MRNIP: variants seen among roughly 807,000 people sequenced by gnomAD.
MRNIP encodes MRN complex interacting protein.
A neutral mutation model predicts 29.8 loss-of-function variants in MRNIP; 30 were observed. That is an observed-to-expected ratio of 1.01 (90% CI 0.75 to 1.36). The LOEUF (loss-of-function observed/expected upper bound fraction) is 1.36, where lower values mean the gene tolerates loss of function less well. Among genes scored for constraint, MRNIP ranks in the 40% most tolerant of loss-of-function variants. MRNIP has a pLI of 0.00. For synonymous variants in MRNIP, 201 were observed against 164.1 expected, an observed-to-expected ratio of 1.23 and a Z score of -1.72; for missense variants, 459 against 423.5, an observed-to-expected ratio of 1.08 and a Z score of -0.74.
At chr5:179,842,532 A>G (rs1278846545) in intron 4 of MRNIP, among the ~76,000 whole-genome samples, 1 of 148,356 alleles carries the variant, frequency 6.7e-6, no homozygotes, top group Non-Finnish European at 1.5e-5. Flanking sequence ...AAAAACAACA[A>G]CAAAAAAAAA....
intron 4 of MRNIP, among the ~76,000 whole-genome samples, chr5:179,842,409 G>A (rs757473319): frequency 2.6e-5 from 4 of 151,892 alleles, no homozygotes; most frequent in South Asian, 2.1e-4. Flanking sequence ...AGCCGGGCGC[G>A]GTGGCTCACA....
rs1481669975 is a variant in MRNIP at position 179,841,909 on chromosome 5, T to C, written c.447A>G (p.Lys149=). The change falls in exon 5 of 7, where the codon AAA becomes AAG. Residue 149 remains lysine, a splice_region_variant and synonymous_variant. Transcript: ENST00000292586. ...TGGAACGGAGACGCACTTGGTACCT[T>C]TTTCTAGGCAGGTCTTGACTGAAGC... ...GPRFSQDLPR[K]RKWSRSTVQP... The C allele has an allele frequency of 6.2e-7, 1 of 1,613,552 alleles. No individual in the cohort carries two copies. The highest frequency in any genetic ancestry group is 8.5e-7 in the Non-Finnish European group (1 of 1,179,968).
intron 2 of MRNIP, among the ~76,000 whole-genome samples, chr5:179,851,684 T>TA (rs1262580312): frequency 6.6e-6 from 1 of 151,888 alleles, no homozygotes; most frequent in Non-Finnish European, 1.5e-5. Context: ...TTCCCTTTTT[T>TA]AAAAAAAATA....
intron 2 of MRNIP, among the ~76,000 whole-genome samples, chr5:179,852,248 T>C (rs966651550): frequency 1.1e-4 from 17 of 150,338 alleles, no homozygotes; most frequent in African/African-American, 4.2e-4. Flanking sequence ...ATTGCGCCAC[T>C]GCACTCCAGC....
At chr5:179,858,257 C>T (rs1372852161) in intron 1 of MRNIP, among the ~76,000 whole-genome samples, 1 of 152,168 alleles carries the variant, frequency 6.6e-6, no homozygotes, top group Non-Finnish European at 1.5e-5. Context: ...ACTCCGGGGC[C>T]CGTGGTTTAT....
Position 179,858,747 on chromosome 5 carries a change from A to C in MRNIP, c.50T>G (p.Leu17Arg). 1 of 1,530,584 alleles carries C rather than the reference A, an allele frequency of 6.5e-7. No homozygotes were observed. The highest frequency in any genetic ancestry group is 8.8e-7 in the Non-Finnish European group (1 of 1,138,328). The allele number at this position is 1,530,584 out of a possible 1,614,324, so 94.8% of individuals were successfully genotyped here. ...CCGCCAGACCTGGTGCGCCTGGAAGAGGCGGCAGCTGCAGCAGCGTAGCAC... is the reference window on the plus strand; with the variant it reads ...CCGCCAGACCTGGTGCGCCTGGAAGCGGCGGCAGCTGCAGCAGCGTAGCAC... ...SRVLRCCSCR[L>R]FQAHQVKKSV... Residue 17 changes from leucine to arginine, a missense_variant, in exon 1 of 7, where the codon CTC (leucine) becomes CGC (arginine). Physicochemically the swap from Leu to Arg is moderately radical, Grantham distance 102 (BLOSUM62 -2). Coordinates refer to ENST00000292586, the MANE Select transcript of MRNIP (RefSeq NM_016175.4).
intron 1 of MRNIP, among the ~76,000 whole-genome samples, chr5:179,858,364 G>C (rs943674600): frequency 6.6e-6 from 1 of 152,176 alleles, no homozygotes; most frequent in Non-Finnish European, 1.5e-5. Context: ...GTGGAGCAGG[G>C]ACGCCGCCGC....
At chr5:179,856,666 T>A (rs1759595856) in intron 1 of MRNIP, among the ~76,000 whole-genome samples, 1 of 152,144 alleles carries the variant, frequency 6.6e-6, no homozygotes, top group Non-Finnish European at 1.5e-5. Context: ...AGAGACAAGG[T>A]CTCGCTACGT....
At chr5:179,857,792 C>T (rs1249387789) in intron 1 of MRNIP, among the ~76,000 whole-genome samples, 1 of 152,130 alleles carries the variant, frequency 6.6e-6, no homozygotes, top group Non-Finnish European at 1.5e-5. Flanking sequence ...GCAGGCGGGT[C>T]ACCTGAGGTC....
chr5:179,853,364 T>TA lies in MRNIP; in HGVS notation c.126+13_126+14insT, dbSNP rs761443950. On this transcript the variant is annotated intron_variant, in intron 2 of 6. Coordinates refer to ENST00000292586, the MANE Select transcript of MRNIP (RefSeq NM_016175.4). Reference sequence around the variant, plus strand: ...GGCCTGCGCCCCACTTGCTTTCTGTTTTGTAGGACTCACCTGCAAAAAGGA... The same window carrying TA: ...GGCCTGCGCCCCACTTGCTTTCTGTTATTGTAGGACTCACCTGCAAAAAGGA... The TA allele has an allele frequency of 6.2e-7, 1 of 1,612,626 alleles. No homozygotes were observed. Among genetic ancestry groups the TA allele is most frequent in the East Asian group, 2.2e-5 (1 of 44,886 alleles).
intron 1 of MRNIP, among the ~76,000 whole-genome samples, chr5:179,855,079 C>T (rs1012585060): frequency 6.6e-6 from 1 of 152,188 alleles, no homozygotes; most frequent in Non-Finnish European, 1.5e-5. Flanking sequence ...CCTGAAATAA[C>T]TCCTGACCTC....
rs1582044603 is a variant in MRNIP at position 179,844,321 on chromosome 5, G to C, written c.216-94C>G. 17 of 1,006,330 alleles carry C rather than the reference G, an allele frequency of 1.7e-5. 1 individual carries two copies. In the South Asian group the frequency reaches 1.8e-4, roughly 11 times the overall value. The allele number at this position is 1,006,330 out of a possible 1,614,324, so 62.3% of individuals were successfully genotyped here. A position where few individuals can be genotyped will look rare whatever the true frequency, so the allele number is the denominator to read the frequency against. ...TAATCCCAGCACTTTGGGAGGCTGA[G>C]GCAGGTGGATCACCTGAGGTCAGGA... On this transcript the variant is annotated intron_variant, in intron 3 of 6. Transcript: ENST00000292586.
chr5:179,851,801 AC>A (rs1349817455), intron 2 of MRNIP, among the ~76,000 whole-genome samples: 2 of 151,836 alleles, frequency 1.3e-5, no homozygotes, highest in South Asian at 4.2e-4. Flanking sequence ...ACATGGTGAA[AC>A]CCCATCTCTA....
At chr5:179,849,146 A>G (rs1354680857) in intron 2 of MRNIP, among the ~76,000 whole-genome samples, 2 of 149,030 alleles carry the variant, frequency 1.3e-5, no homozygotes, top group Non-Finnish European at 3.0e-5. Flanking sequence ...GGCAGATGGT[A>G]CAAGACGGAA....
At chr5:179,858,028 G>A (rs79557899) in intron 1 of MRNIP, among the ~76,000 whole-genome samples, 475 of 43,738 alleles carry the variant, frequency 0.011, 18 homozygotes, top group East Asian at 0.058. Flanking sequence ...AAAAAAAAAA[G>A]AAGAAGAAGT....
chr5:179,858,752 G>T lies in MRNIP; in HGVS notation c.45C>A (p.Cys15Ter). 6.5e-7 allele frequency: 1 copy of T among 1,530,826 alleles called. No individual in the cohort carries two copies. 94.8% of individuals were successfully genotyped at this position (1,530,826 alleles called of 1,614,324 possible). ...QRSRVLRCCS[C>*]RLFQAHQVKK... is the part of the protein sequence containing the mutation. ...AGACCTGGTGCGCCTGGAAGAGGCG[G>T]CAGCTGCAGCAGCGTAGCACCCGAG... The change falls in exon 1 of 7, where the codon TGC (cysteine) becomes TGA (stop). Residue 15 changes from cysteine (C) to a stop codon, truncating the protein, a stop_gained. Transcript: ENST00000292586. LOFTEE classifies it high-confidence loss of function.
At chr5:179,843,233 C>T (rs1758990369) in intron 4 of MRNIP, among the ~76,000 whole-genome samples, 1 of 152,078 alleles carries the variant, frequency 6.6e-6, no homozygotes, top group African/African-American at 2.4e-5. Context: ...ACACTCCAGC[C>T]TGGGTGACAG....
At chr5:179,852,190 G>A (rs932566088) in intron 2 of MRNIP, among the ~76,000 whole-genome samples, 5 of 151,366 alleles carry the variant, frequency 3.3e-5, no homozygotes, top group Admixed American at 1.3e-4. Flanking sequence ...GGAGGCTGAG[G>A]CAGGAAAACT....
chr5:179,843,053 GGAAGGA>G (rs1758973665), intron 4 of MRNIP, among the ~76,000 whole-genome samples: 2 of 111,054 alleles, frequency 1.8e-5, no homozygotes, highest in Non-Finnish European at 1.8e-5. Flanking sequence ...AAGGAAGGAA[GGAAGGA>G]AGGGAGGGAG....
Sources: allele counts gnomAD v4.1 joint callset (sites outside exome capture counted in the v4.1 genomes callset), GRCh38; gene constraint gnomAD v4.1.1; transcripts MANE v1.5; gene names NCBI Gene and HGNC (gene_info 2026-07-23, HGNC 2026-07-21).